Variants in ZNF518A observed in about 807,000 individuals in gnomAD.
ZNF518A encodes the protein zinc finger protein 518A.
Under a neutral mutation model 102.7 loss-of-function variants are expected in ZNF518A, and 47 were observed. That is an observed-to-expected ratio of 0.46 (90% CI 0.36 to 0.58). ZNF518A has a LOEUF of 0.58. Ranked by LOEUF, ZNF518A falls within the 20% of genes least tolerant of loss-of-function variation. The probability of loss-of-function intolerance (pLI) is 0.00; values close to 1 mark genes in which losing one functional copy is unlikely to be tolerated. For synonymous variants in ZNF518A, 652 were observed against 594.6 expected (o/e 1.10, Z -1.40); for missense variants, 1,793 against 1,699.8 (o/e 1.05, Z -0.96).
intron 1 of ZNF518A, among the ~76,000 whole-genome samples, chr10:96,197,831 G>T (rs369068339): frequency 6.6e-6 from 1 of 151,444 alleles, no homozygotes; most frequent in South Asian, 2.1e-4. Flanking sequence ...CAGAAGAATG[G>T]CGTGAACCCA....
intron 1 of ZNF518A, among the ~76,000 whole-genome samples, chr10:96,193,474 T>G (rs1474251903): frequency 6.6e-6 from 1 of 152,240 alleles, no homozygotes; most frequent in Non-Finnish European, 1.5e-5. Context: ...ATTGCCTTGT[T>G]GTGGTGTTCG....
intron 3 of ZNF518A, among the ~76,000 whole-genome samples, chr10:96,134,570 G>A (rs761207706): frequency 6.6e-5 from 10 of 152,148 alleles, no homozygotes; most frequent in Non-Finnish European, 1.3e-4. Context: ...TATTCAGTTT[G>A]TACTATTTGA....
In ZNF518A at chr10:96,158,178, G is replaced by A; in HGVS notation, c.1856G>A (p.Cys619Tyr). The A allele has an allele frequency of 6.2e-7, 1 of 1,613,518 alleles. No homozygotes were observed. The highest frequency in any genetic ancestry group is 8.5e-7 in the Non-Finnish European group (1 of 1,179,666). The change falls in exon 6 of 6, where the codon TGC (cysteine) becomes TAC (tyrosine). Residue 619 changes from cysteine (C) to tyrosine (Y), a missense_variant. This residue lies in a region of ZNF518A where 1,741 missense variants were observed against 1,622.6 expected (regional missense o/e 1.07). Transcript: ENST00000316045. ...AACAGTGGAGATATGCATAATTATT[G>A]CATTAATTATGGCAACTGTGAGTTA... is the stretch of plus-strand genomic sequence containing the variant. ...AYNSGDMHNY[C>Y]INYGNCELPV...
intron 3 of ZNF518A, among the ~76,000 whole-genome samples, chr10:96,142,751 A>ATT (rs1240843448): frequency 6.6e-6 from 1 of 150,686 alleles, no homozygotes; most frequent in East Asian, 1.9e-4. Flanking sequence ...TATCTTTGGC[A>ATT]TTTTACTTTG....
In ZNF518A at chr10:96,136,434, C is replaced by T. The variant is rs587639540; in HGVS notation, c.-302+2786C>T. ...TCTTACCTTTCCCTTTTTGAGAGATCTCTTAGTAATAGTCAAAGCCATACC... is the reference window on the plus strand; with the variant it reads ...TCTTACCTTTCCCTTTTTGAGAGATTTCTTAGTAATAGTCAAAGCCATACC... On this transcript the variant is annotated intron_variant, in intron 3 of 5. Coordinates refer to ENST00000316045, the MANE Select transcript of ZNF518A (RefSeq NM_001330736.2). Among the ~76,000 whole-genome samples, 5 of 149,964 alleles carry T rather than the reference C, an allele frequency of 3.3e-5. No individual in the cohort carries two copies. The South Asian group carries it at 1.1e-3, about 33-fold the overall frequency.
rs587722404 is a variant in ZNF518A at position 96,161,473 on chromosome 10, A to T, written c.*699A>T. 1 of 166,976 alleles carries T rather than the reference A, an allele frequency of 6.0e-6. No individual in the cohort carries two copies. Among genetic ancestry groups the T allele is most frequent in the African/African-American group, 2.4e-5 (1 of 41,582 alleles). The allele number at this position is 166,976 out of a possible 1,614,324, so 10.3% of individuals were successfully genotyped here. A position where few individuals can be genotyped will look rare whatever the true frequency, so the allele number is the denominator to read the frequency against. On this transcript the variant is annotated 3_prime_UTR_variant, in exon 6 of 6. Coordinates refer to ENST00000316045, the MANE Select transcript of ZNF518A (RefSeq NM_001330736.2). ...GTGTCAAATGTTGCAGTAGATGGGC[A>T]GCTTCAAGAGAAGAATTTAAACTCT...
chr10:96,204,032 C>G lies in ZNF518A; in HGVS notation n.203C>G, dbSNP rs587631607. The G allele has an allele frequency of 1.9e-4, 304 of 1,605,874 alleles. No homozygotes were observed. In the South Asian group the frequency reaches 3.0e-3, roughly 16 times the overall value. ...ATCCAGCCTCGACCACTCCCTGATACACTACATGGCTTCGTTGTACTTACT... is the reference window on the plus strand; with the variant it reads ...ATCCAGCCTCGACCACTCCCTGATAGACTACATGGCTTCGTTGTACTTACT... On this transcript the variant is annotated non_coding_transcript_exon_variant, in exon 3 of 3. Transcript: ENST00000442635.
At chr10:96,178,405 A>C (rs587704188) in intron 1 of ZNF518A, among the ~76,000 whole-genome samples, 3 of 152,178 alleles carry the variant, frequency 2.0e-5, no homozygotes, top group Middle Eastern at 3.4e-3. Flanking sequence ...TTTTTAAGCG[A>C]ATGAAATTGA....
At chr10:96,146,919 C>T (rs1314993636) in intron 3 of ZNF518A, among the ~76,000 whole-genome samples, 1 of 152,156 alleles carries the variant, frequency 6.6e-6, no homozygotes, top group Admixed American at 6.5e-5. Context: ...GTTAAGGTAA[C>T]AGCATACCTG....
chr10:96,141,959 C>G (rs1554876667), intron 3 of ZNF518A, among the ~76,000 whole-genome samples: 1 of 152,132 alleles, frequency 6.6e-6, no homozygotes, highest in African/African-American at 2.4e-5. Flanking sequence ...TCAGGCTGGT[C>G]TTGAACTCCT....
intron 1 of ZNF518A, among the ~76,000 whole-genome samples, chr10:96,169,964 T>C (rs2083163761): frequency 6.6e-6 from 1 of 152,232 alleles, no homozygotes; most frequent in African/African-American, 2.4e-5. Context: ...ACACCTGGAA[T>C]GAATAAATCT....
intron 1 of ZNF518A, chr10:96,192,016 G>C: frequency 6.2e-7 from 1 of 1,613,604 alleles, no homozygotes; most frequent in Non-Finnish European, 8.5e-7. Flanking sequence ...GGAATCTTTT[G>C]TGTTATTCTG....
At chr10:96,167,102 T>A (rs1255872664), downstream of ZNF518A, among the ~76,000 whole-genome samples, 1 of 152,004 alleles carries the variant, frequency 6.6e-6, no homozygotes, top group Non-Finnish European at 1.5e-5. Flanking sequence ...GACAGAGAAA[T>A]GTAGGAAATA....
At chr10:96,152,437 G>A (rs1554880699) in intron 3 of ZNF518A, among the ~76,000 whole-genome samples, 1 of 152,178 alleles carries the variant, frequency 6.6e-6, no homozygotes, top group African/African-American at 2.4e-5. Flanking sequence ...ATGTTGAGAC[G>A]TTCACAACAT....
At chr10:96,168,375 T>G (rs1192234701), downstream of ZNF518A, among the ~76,000 whole-genome samples, 1 of 150,732 alleles carries the variant, frequency 6.6e-6, no homozygotes, top group Non-Finnish European at 1.5e-5. Context: ...GTGTTCCAAA[T>G]TAAAAAAAAA....
Position 96,160,906 on chromosome 10 carries a change from T to C in ZNF518A, c.*132T>C. 9.8e-7 allele frequency: 1 copy of C among 1,016,188 alleles called. No homozygotes were observed. The highest frequency in any genetic ancestry group is 1.3e-6 in the Non-Finnish European group (1 of 744,268). 62.9% of individuals were successfully genotyped at this position (1,016,188 alleles called of 1,614,324 possible). ...TCGAACATTTTAAAAGTTGATTGTA[T>C]TTCTGTGGAAGAGTAAAAGTTGTAT... On this transcript the variant is annotated 3_prime_UTR_variant, in exon 6 of 6. Transcript: ENST00000316045.
At chr10:96,184,486 A>G (rs2083259148) in intron 1 of ZNF518A, among the ~76,000 whole-genome samples, 1 of 152,156 alleles carries the variant, frequency 6.6e-6, no homozygotes, top group Admixed American at 6.5e-5. Flanking sequence ...AGCTCTTGTA[A>G]GGCAGGGCTG....
chr10:96,132,249 G>T (rs587721745), intron 1 of ZNF518A, among the ~76,000 whole-genome samples: 30 of 151,576 alleles, frequency 2.0e-4, no homozygotes, highest in South Asian at 1.0e-3. Flanking sequence ...TACCAGAAAT[G>T]AGTATTAAGG....
intron 1 of ZNF518A, among the ~76,000 whole-genome samples, chr10:96,175,794 A>G (rs1272665210): frequency 6.6e-6 from 1 of 152,148 alleles, no homozygotes; most frequent in African/African-American, 2.4e-5. Context: ...ACAGATGCTG[A>G]AAGCCCTAAT....
Sources: gnomAD v4.1 joint callset for allele counts (sites outside exome capture counted in the v4.1 genomes callset) on GRCh38, gnomAD v4.1.1 for gene constraint, gnomAD v4.1.1 regional missense constraint, MANE v1.5 for transcripts, NCBI Gene and HGNC (gene_info 2026-07-23, HGNC 2026-07-21) for gene names.